The following DAPK2 variants were observed in gnomAD, a reference collection of about 807,000 sequenced individuals.
DAPK2 encodes death associated protein kinase 2.
In DAPK2, 35 loss-of-function variants were observed where a neutral mutation model predicts 44.1. That is an observed-to-expected ratio of 0.79 (90% CI 0.61 to 1.05). The LOEUF (loss-of-function observed/expected upper bound fraction) is 1.05, where lower values mean the gene tolerates loss of function less well. Ranked by LOEUF, DAPK2 falls within the 50% of genes least tolerant of loss-of-function variation. The pLI, the probability that DAPK2 is intolerant of heterozygous loss-of-function variation, is 0.00. For synonymous variants in DAPK2, 174 were observed against 182.6 expected (o/e 0.95, Z 0.38); for missense variants, 453 against 483.2 (o/e 0.94, Z 0.59).
At chr15:64,003,730 A>C (rs56235428) in intron 1 of DAPK2, among the ~76,000 whole-genome samples, 6,272 of 152,168 alleles carry the variant, frequency 0.041, 436 homozygotes, top group African/African-American at 0.14. Context: ...CTTAGCCTCC[A>C]GAGTAGCTGG....
intron 1 of DAPK2, among the ~76,000 whole-genome samples, chr15:64,032,942 C>T (rs564959858): frequency 1.1e-4 from 17 of 151,764 alleles, no homozygotes; most frequent in African/African-American, 4.8e-5. Context: ...AAAAAGTAGC[C>T]GGGCATGATC....
rs1350848123 is a variant in DAPK2 at position 63,986,074 on chromosome 15, A to ACTC, written c.93-2321_93-2320insGAG. Among the ~76,000 whole-genome samples, 32 of 152,336 alleles carry ACTC rather than the reference A, an allele frequency of 2.1e-4. 1 individual carries two copies. The highest frequency in any genetic ancestry group is 7.5e-4 in the African/African-American group (31 of 41,580). ...TTCACTCAGGCACAGCCCTCTGCTCAACCTGTAGAGGGGAGCCTCAGAGGG... is the reference window on the plus strand; with the variant it reads ...TTCACTCAGGCACAGCCCTCTGCTCACTCACCTGTAGAGGGGAGCCTCAGAGGG... On this transcript the variant is annotated intron_variant, in intron 1 of 10. Coordinates refer to ENST00000261891, the Ensembl canonical transcript of DAPK2.
At position 64,028,037 on chromosome 15, in the gene DAPK2, T is replaced by TCTATCTATCTATCTATCTAC. The variant is rs1293617876; in HGVS notation, c.92+12132_92+12133insGTAGATAGATAGATAGATAG. Among the ~76,000 whole-genome samples the TCTATCTATCTATCTATCTAC allele has an allele frequency of 7.0e-4, 58 of 82,630 alleles. 4 individuals are homozygous for TCTATCTATCTATCTATCTAC. The East Asian group carries it at 0.03, about 43-fold the overall frequency. The allele number at this position is 82,630 out of a possible 152,430, so 54.2% of individuals were successfully genotyped here. ...AGCAGAAGTACATAAACTGTATCTA[T>TCTATCTATCTATCTATCTAC]CTATCTATCTATCTATCTATCTATC... On this transcript the variant is annotated intron_variant, in intron 1 of 10. Coordinates refer to ENST00000261891, the Ensembl canonical transcript of DAPK2.
At chr15:63,940,019 A>C (rs961487211) in intron 3 of DAPK2, among the ~76,000 whole-genome samples, 4 of 152,214 alleles carry the variant, frequency 2.6e-5, no homozygotes, top group Admixed American at 6.5e-5. Context: ...CAGGTCTGAC[A>C]CAACAATGCA....
chr15:64,015,009 T>C (rs1025623069), intron 1 of DAPK2, among the ~76,000 whole-genome samples: 2 of 151,458 alleles, frequency 1.3e-5, no homozygotes, highest in African/African-American at 4.8e-5. Flanking sequence ...CCAAGAGGCA[T>C]GCAGTAAGGA....
chr15:63,982,566 T>C (rs2078551960), intron 2 of DAPK2, among the ~76,000 whole-genome samples: 1 of 152,158 alleles, frequency 6.6e-6, no homozygotes, highest in African/African-American at 2.4e-5. Context: ...TCAAACTCTA[T>C]TGTTTATCAG....
chr15:64,011,419 G>A (rs1223180285), intron 1 of DAPK2, among the ~76,000 whole-genome samples: 1 of 152,138 alleles, frequency 6.6e-6, no homozygotes, highest in Admixed American at 6.6e-5. Context: ...AAATTAGCCA[G>A]GCATGGTGGC....
intron 1 of DAPK2, among the ~76,000 whole-genome samples, chr15:64,024,068 C>T (rs998045291): frequency 6.6e-6 from 1 of 152,156 alleles, no homozygotes; most frequent in Non-Finnish European, 1.5e-5. Flanking sequence ...GGCTGGGGTC[C>T]TGGAAGACCC....
At position 63,916,854 on chromosome 15, in the gene DAPK2, C is replaced by A. The variant is rs2078941633; in HGVS notation, c.859-4657G>T. The A allele has an allele frequency of 6.6e-6, 1 of 152,216 alleles. No homozygotes were observed. Among genetic ancestry groups the A allele is most frequent in the African/African-American group, 2.4e-5 (1 of 41,456 alleles). The allele number at this position is 152,216 out of a possible 1,614,324, so 9.4% of individuals were successfully genotyped here. On this transcript the variant is annotated intron_variant, in intron 8 of 10. Coordinates refer to ENST00000261891, the Ensembl canonical transcript of DAPK2. The surrounding 1 kb of genome is among the most constrained non-coding windows in gnomAD (Gnocchi z 4.7). ...GTCCCCAGGAAAAGCTTCAAAGGTT[C>A]TTCCTTTTGTACTGTTATAAAACCC...
intron 1 of DAPK2, among the ~76,000 whole-genome samples, chr15:64,037,555 T>G (rs2080243457): frequency 6.6e-6 from 1 of 152,246 alleles, no homozygotes; most frequent in Admixed American, 6.5e-5. Flanking sequence ...AGGACAGGAC[T>G]GTGTCTGTTT....
At chr15:63,964,148 C>G (rs2077987210) in intron 3 of DAPK2, among the ~76,000 whole-genome samples, 1 of 152,208 alleles carries the variant, frequency 6.6e-6, no homozygotes, top group Non-Finnish European at 1.5e-5. Context: ...GTATTGATGA[C>G]ATCCTCAGAT....
chr15:63,954,047 T>C (rs2140554178), intron 3 of DAPK2, among the ~76,000 whole-genome samples: 1 of 152,320 alleles, frequency 6.6e-6, no homozygotes, highest in Non-Finnish European at 1.5e-5. Flanking sequence ...TTATATATTC[T>C]GGTTATTAAT....
At chr15:63,961,896 C>T (rs1426688219) in intron 3 of DAPK2, among the ~76,000 whole-genome samples, 4 of 152,196 alleles carry the variant, frequency 2.6e-5, no homozygotes, top group African/African-American at 9.7e-5. Context: ...GCCTGTCTCA[C>T]TAGGTTGGGG....
chr15:64,040,385 C>A, upstream of DAPK2: 2 of 751,514 alleles, frequency 2.7e-6, no homozygotes, highest in Non-Finnish European at 4.6e-6. Context: ...TAATCCACAG[C>A]CTTGGTTCTT....
At chr15:63,963,055 T>C (rs940146777) in intron 3 of DAPK2, among the ~76,000 whole-genome samples, 22 of 152,002 alleles carry the variant, frequency 1.4e-4, no homozygotes, top group East Asian at 3.9e-4. Flanking sequence ...CAATGGCAGA[T>C]GCCCCTCCCC....
intron 1 of DAPK2, among the ~76,000 whole-genome samples, chr15:63,988,426 C>T (rs2078722882): frequency 6.6e-6 from 1 of 152,060 alleles, no homozygotes; most frequent in Non-Finnish European, 1.5e-5. Flanking sequence ...GGTAAATAAA[C>T]AGGGCATGAA....
chr15:64,037,607 C>A (rs1426268497), intron 1 of DAPK2, among the ~76,000 whole-genome samples: 1 of 152,172 alleles, frequency 6.6e-6, no homozygotes, highest in African/African-American at 2.4e-5. Context: ...ACAGTAGGTC[C>A]TCAAGAATAC....
chr15:63,962,916 T>C (rs1438135244), intron 3 of DAPK2, among the ~76,000 whole-genome samples: 4 of 152,248 alleles, frequency 2.6e-5, no homozygotes, highest in African/African-American at 9.6e-5. Flanking sequence ...AAGTTTCTGC[T>C]GCCTTTTATT....
chr15:63,996,400 G>A (rs2078949916), intron 1 of DAPK2, among the ~76,000 whole-genome samples: 1 of 152,190 alleles, frequency 6.6e-6, no homozygotes, highest in Non-Finnish European at 1.5e-5. Context: ...CTATGATGGT[G>A]CCACTGAACT....
Sources: allele counts gnomAD v4.1 joint callset (sites outside exome capture counted in the v4.1 genomes callset), GRCh38; gene constraint gnomAD v4.1.1; non-coding constraint Gnocchi (gnomAD v3.1); transcripts MANE v1.5; gene names NCBI Gene and HGNC (gene_info 2026-07-23, HGNC 2026-07-21).